KLF15: variants seen among roughly 807,000 people sequenced by gnomAD.
The protein encoded by KLF15 is KLF transcription factor 15, also known as Krueppel-like factor 15.
KLF15 carries 4 observed loss-of-function variants against 24.6 expected under a neutral mutation model. The observed-to-expected ratio is 0.16, with a 90% CI of 0.08 to 0.37. The LOEUF (loss-of-function observed/expected upper bound fraction) is 0.37. Ranked by LOEUF, KLF15 falls within the 10% of genes least tolerant of loss-of-function variation. The pLI is 1.00. For synonymous variants in KLF15, 246 were observed against 236.3 expected, an observed-to-expected ratio of 1.04 and a Z score of -0.37; for missense variants, 496 against 560.6, an observed-to-expected ratio of 0.88 and a Z score of 1.16.
chr3:126,301,265 C>T, the KLF15 span, among the ~76,000 whole-genome samples: 3 of 152,128 alleles, frequency 2.0e-5, no homozygotes, highest in African/African-American at 7.2e-5. Context: ...CAAAGCAGAA[C>T]ATCACGTGTT....
At chr3:126,323,420 T>TAAC in the KLF15 span, among the ~76,000 whole-genome samples, 34 of 36,474 alleles carry the variant, frequency 9.3e-4, 2 homozygotes, top group Non-Finnish European at 1.6e-3. Context: ...TATATATATA[T>TAAC]ATATATATAT....
Position 126,352,155 on chromosome 3 carries a change from C to T in KLF15, c.768G>A (p.Gln256=). Residue 256 remains glutamine, a synonymous_variant, in exon 2 of 3, where the codon CAG becomes CAA. Coordinates refer to ENST00000296233, the MANE Select transcript of KLF15 (RefSeq NM_014079.4). The part of the protein sequence containing the change: ...VKVAQLLVNI[Q]GQTFALVPQV... ...GGGGCACGAGTGCGAAGGTCTGCCCCTGGATGTTGACCAGGAGCTGGGCAA... is the reference window on the plus strand; with the variant it reads ...GGGGCACGAGTGCGAAGGTCTGCCCTTGGATGTTGACCAGGAGCTGGGCAA... 3.2e-6 allele frequency: 5 copies of T among 1,575,798 alleles called. No homozygotes were observed. The highest frequency in any genetic ancestry group is 4.3e-6 in the Non-Finnish European group (5 of 1,160,938).
the KLF15 span, among the ~76,000 whole-genome samples, chr3:126,309,839 C>T: frequency 6.6e-6 from 1 of 152,186 alleles, no homozygotes; most frequent in African/African-American, 2.4e-5. Context: ...AACAAAACCC[C>T]AGTGATAAGG....
chr3:126,354,527 C>T (rs772864952), intron 1 of KLF15, among the ~76,000 whole-genome samples: 3 of 152,208 alleles, frequency 2.0e-5, no homozygotes, highest in Non-Finnish European at 4.4e-5. Flanking sequence ...GACCCCAGGA[C>T]CTTTAGCCCC....
At chr3:126,323,627 T>C in the KLF15 span, among the ~76,000 whole-genome samples, 1 of 148,518 alleles carries the variant, frequency 6.7e-6, no homozygotes, top group African/African-American at 2.5e-5. Context: ...GCTCCACCTA[T>C]TAACCCATCA....
intron 2 of KLF15, among the ~76,000 whole-genome samples, chr3:126,350,455 A>G (rs2082573931): frequency 2.0e-5 from 3 of 152,296 alleles, no homozygotes; most frequent in Middle Eastern, 6.8e-3. Context: ...GTTCAGGAAA[A>G]TTCCCTTCTC....
At chr3:126,353,087 G>A (rs904757324) in intron 1 of KLF15, 140 bp from the exon 2 acceptor site, 15 of 1,000,490 alleles carry the variant, frequency 1.5e-5, no homozygotes, top group Non-Finnish European at 2.0e-5. Context: ...TCCCCCAGGA[G>A]AGCTGTGCCT....
the KLF15 span, among the ~76,000 whole-genome samples, chr3:126,290,389 G>C: frequency 6.6e-6 from 1 of 152,166 alleles, no homozygotes; most frequent in South Asian, 2.1e-4. Flanking sequence ...GGAAGAGGGG[G>C]TCTGTCTGTC....
chr3:126,318,218 A>G, the KLF15 span, among the ~76,000 whole-genome samples: 2 of 152,272 alleles, frequency 1.3e-5, no homozygotes, highest in African/African-American at 4.8e-5. Flanking sequence ...CACCTCATAC[A>G]TGCCTTTAAC....
chr3:126,324,749 T>C, the KLF15 span, among the ~76,000 whole-genome samples: 1 of 89,882 alleles, frequency 1.1e-5, no homozygotes, highest in South Asian at 4.5e-4. Flanking sequence ...TCATTGGTGA[T>C]GTTAACTTTT....
At position 126,342,987 on chromosome 3, in the gene KLF15, T is replaced by G. The variant is rs951876948; in HGVS notation, c.*740A>C. On this transcript the variant is annotated 3_prime_UTR_variant, in exon 3 of 3. Coordinates refer to ENST00000296233, the MANE Select transcript of KLF15 (RefSeq NM_014079.4). ...CTCCCAAGGCCACCCTAAAGGCTGGTGTCTGGATTTGTCTGGGAAACCGGA... is the reference window on the plus strand; with the variant it reads ...CTCCCAAGGCCACCCTAAAGGCTGGGGTCTGGATTTGTCTGGGAAACCGGA... 2.6e-5 allele frequency: 4 copies of G among 152,302 alleles called. No individual in the cohort carries two copies. Among genetic ancestry groups the G allele is most frequent in the African/African-American group, 9.7e-5 (4 of 41,358 alleles). 9.4% of individuals were successfully genotyped at this position (152,302 alleles called of 1,614,324 possible).
In KLF15 at chr3:126,343,131, A is replaced by C. The variant is rs2082492368; in HGVS notation, c.*596T>G. 1.3e-5 allele frequency: 1 copy of C among 74,806 alleles called. No homozygotes were observed. The highest frequency in any genetic ancestry group is 2.4e-5 in the Non-Finnish European group (1 of 41,994). 4.6% of individuals were successfully genotyped at this position (74,806 alleles called of 1,614,324 possible). Reference sequence around the variant, plus strand: ...ACGCTTTTCACCTCTCTCCCACATGAGGGCCCAGCGGCCCGGTCCTGCCCC... The same window carrying C: ...ACGCTTTTCACCTCTCTCCCACATGCGGGCCCAGCGGCCCGGTCCTGCCCC... On this transcript the variant is annotated 3_prime_UTR_variant, in exon 3 of 3. Coordinates refer to ENST00000296233, the MANE Select transcript of KLF15 (RefSeq NM_014079.4).
At chr3:126,305,209 G>C in the KLF15 span, among the ~76,000 whole-genome samples, 32 of 152,306 alleles carry the variant, frequency 2.1e-4, no homozygotes, top group Non-Finnish European at 4.1e-4. Context: ...CTATGGCCTG[G>C]ATTTCTATAA....
At chr3:126,339,622 G>A (rs796743418), downstream of KLF15, among the ~76,000 whole-genome samples, 3 of 152,196 alleles carry the variant, frequency 2.0e-5, no homozygotes, top group African/African-American at 7.2e-5. Flanking sequence ...GGTTCAGATC[G>A]CCTCCTCATG....
chr3:126,307,427 T>A, the KLF15 span, among the ~76,000 whole-genome samples: 2 of 152,298 alleles, frequency 1.3e-5, no homozygotes, highest in African/African-American at 4.8e-5. Flanking sequence ...ACAAAGACTG[T>A]GCAACAGGGC....
intron 2 of KLF15, among the ~76,000 whole-genome samples, chr3:126,345,582 C>A (rs981805703): frequency 1.3e-5 from 2 of 151,450 alleles, no homozygotes; most frequent in African/African-American, 4.9e-5. Context: ...GGCACAAATT[C>A]ATGCCCCCAT....
the KLF15 span, among the ~76,000 whole-genome samples, chr3:126,321,888 G>C: frequency 6.6e-6 from 1 of 152,200 alleles, no homozygotes; most frequent in Non-Finnish European, 1.5e-5. Context: ...TTTTAACATA[G>C]AGTTTTACAG....
At chr3:126,294,355 T>A in the KLF15 span, among the ~76,000 whole-genome samples, 2 of 152,222 alleles carry the variant, frequency 1.3e-5, no homozygotes, top group African/African-American at 2.4e-5. Flanking sequence ...TGTTTGTGCT[T>A]AGATCTCTGT....
At chr3:126,319,053 A>G in the KLF15 span, among the ~76,000 whole-genome samples, 2 of 152,230 alleles carry the variant, frequency 1.3e-5, no homozygotes, top group Admixed American at 6.5e-5. Flanking sequence ...GGAATCATCC[A>G]GTATGTAGCC....
Sources: allele counts gnomAD v4.1 joint callset (sites outside exome capture counted in the v4.1 genomes callset), GRCh38; gene constraint gnomAD v4.1.1; transcripts MANE v1.5; gene names NCBI Gene and HGNC (gene_info 2026-07-23, HGNC 2026-07-21).